ASTN2: variants seen among roughly 807,000 people sequenced by gnomAD.
ASTN2 encodes astrotactin 2, also known as astrotactin-2.
ASTN2 carries 54 observed loss-of-function variants against 139.8 expected under a neutral mutation model. The ratio of observed to expected loss-of-function variants is 0.39; its 90% CI spans 0.31 to 0.48. The LOEUF (loss-of-function observed/expected upper bound fraction) is 0.48, where lower values mean the gene tolerates loss of function less well. ASTN2 is among the 20% of genes least tolerant of loss of function. The probability of loss-of-function intolerance (pLI) is 0.95; values close to 1 mark genes in which losing one functional copy is unlikely to be tolerated. For missense variants in ASTN2, 1,565 were observed against 1,725.1 expected (o/e 0.91, Z 1.64); for synonymous variants, 756 against 719.5 (o/e 1.05, Z -0.81).
At chr9:116,766,873 A>C (rs902935078) in intron 13 of ASTN2, among the ~76,000 whole-genome samples, 4 of 148,742 alleles carry the variant, frequency 2.7e-5, no homozygotes, top group African/African-American at 7.8e-5. Flanking sequence ...ACACATAAAC[A>C]CACACATTCA....
At chr9:116,484,014 G>A (rs1044607075) in intron 20 of ASTN2, among the ~76,000 whole-genome samples, 4 of 152,140 alleles carry the variant, frequency 2.6e-5, no homozygotes, top group Admixed American at 2.6e-4. Flanking sequence ...TCCCTTCTGA[G>A]ACCTCTCTCC....
intron 5 of ASTN2, among the ~76,000 whole-genome samples, chr9:117,089,566 G>T (rs369825965): frequency 3.3e-5 from 5 of 151,596 alleles, no homozygotes; most frequent in South Asian, 4.2e-4. Flanking sequence ...GGGTACAGGT[G>T]GTATTTGGTT....
In ASTN2 at chr9:116,733,452, T is replaced by C; in HGVS notation, c.2468A>G (p.Glu823Gly). ...CTCGGAGAGGACCCCCCGGCACTGC[T>C]CCTCCACCGGCAGCGGGATCACCAA... Reference protein sequence around the residue: ...GLLVIPLPVEEQCRGVLSEPL... With the variant: ...GLLVIPLPVEGQCRGVLSEPL... Residue 823 changes from glutamate (E) to glycine (G), a missense_variant, in exon 14 of 23, where the codon GAG (glutamate) becomes GGG (glycine). Physicochemically the swap from Glu to Gly is moderately conservative, Grantham distance 98. This residue lies in a region of ASTN2 where 503 missense variants were observed against 591.7 expected (regional missense o/e 0.85). Coordinates refer to ENST00000313400, the MANE Select transcript of ASTN2 (RefSeq NM_001365068.1). 6.2e-7 allele frequency: 1 copy of C among 1,614,072 alleles called. No homozygotes were observed. The highest frequency in any genetic ancestry group is 8.5e-7 in the Non-Finnish European group (1 of 1,180,008).
At chr9:116,520,368 T>C (rs1005393372) in intron 19 of ASTN2, among the ~76,000 whole-genome samples, 4 of 152,152 alleles carry the variant, frequency 2.6e-5, no homozygotes, top group Non-Finnish European at 4.4e-5. Flanking sequence ...ATAAATGTGA[T>C]AGACCACATA....
chr9:117,270,331 T>C (rs749719948), intron 2 of ASTN2, among the ~76,000 whole-genome samples: 6 of 152,230 alleles, frequency 3.9e-5, no homozygotes, highest in East Asian at 1.9e-4. Flanking sequence ...TGTTGGGTAA[T>C]AGCTGCTCAT....
chr9:116,678,887 A>C (rs559754534), intron 16 of ASTN2, among the ~76,000 whole-genome samples: 22 of 152,316 alleles, frequency 1.4e-4, no homozygotes, highest in Middle Eastern at 6.8e-3. Context: ...ATAAAATTTT[A>C]TTTTAAAAAG....
intron 2 of ASTN2, among the ~76,000 whole-genome samples, chr9:117,280,996 C>T (rs143725172): frequency 5.3e-5 from 8 of 152,288 alleles, no homozygotes; most frequent in African/African-American, 1.9e-4. Flanking sequence ...TGGAATTCTA[C>T]TGTAAGAAAG....
intron 13 of ASTN2, among the ~76,000 whole-genome samples, chr9:116,775,986 G>T (rs569981877): frequency 6.6e-6 from 1 of 152,136 alleles, no homozygotes; most frequent in Non-Finnish European, 1.5e-5. Context: ...GCATCTCTAC[G>T]TATGATTGTG....
chr9:116,870,824 A>G (rs999959546), intron 10 of ASTN2, among the ~76,000 whole-genome samples: 1 of 152,174 alleles, frequency 6.6e-6, no homozygotes, highest in Non-Finnish European at 1.5e-5. Flanking sequence ...TGTCACTCAT[A>G]GAGAGATGTG....
chr9:117,388,718 G>A (rs1411084346), intron 1 of ASTN2, among the ~76,000 whole-genome samples: 1 of 152,104 alleles, frequency 6.6e-6, no homozygotes, highest in East Asian at 1.9e-4. Context: ...GTGACGGCCT[G>A]GGCTGGTGAC....
Position 116,830,244 on chromosome 9 carries a change from C to T in ASTN2, c.2041-9461G>A, listed in dbSNP as rs182124250. ...ACATATGAAAAAATGTTCAACATTA[C>T]TATTCAGCAGAGAGATGCAAATCAA... On this transcript the variant is annotated intron_variant, in intron 11 of 22. Coordinates refer to ENST00000313400, the MANE Select transcript of ASTN2 (RefSeq NM_001365068.1). 1.8e-4 allele frequency among the ~76,000 whole-genome samples: 27 copies of T among 152,280 alleles called. 1 individual carries two copies. Among genetic ancestry groups the T allele is most frequent in the Admixed American group, 1.6e-3 (25 of 15,296 alleles).
chr9:117,145,243 G>A (rs963317430), intron 3 of ASTN2, among the ~76,000 whole-genome samples: 11 of 152,154 alleles, frequency 7.2e-5, no homozygotes, highest in Non-Finnish European at 1.6e-4. Context: ...CTCAATACCC[G>A]CATTCCTTGG....
At chr9:116,823,884 G>A (rs549731954) in intron 11 of ASTN2, among the ~76,000 whole-genome samples, 13 of 152,086 alleles carry the variant, frequency 8.5e-5, no homozygotes, top group Non-Finnish European at 1.6e-4. Context: ...GGATGAGTAG[G>A]GGCAGATGAG....
intron 19 of ASTN2, among the ~76,000 whole-genome samples, chr9:116,527,781 G>C (rs1016293740): frequency 6.6e-6 from 1 of 152,066 alleles, no homozygotes; most frequent in Non-Finnish European, 1.5e-5. Context: ...TCTCATGATA[G>C]TGAATTCTCA....
intron 2 of ASTN2, among the ~76,000 whole-genome samples, chr9:117,287,987 T>C (rs1042759232): frequency 1.3e-5 from 2 of 152,176 alleles, no homozygotes; most frequent in African/African-American, 4.8e-5. Flanking sequence ...CATGAAGGGA[T>C]GTGCCTAACG....
At chr9:116,792,124 A>G (rs1830576105) in intron 13 of ASTN2, among the ~76,000 whole-genome samples, 1 of 152,156 alleles carries the variant, frequency 6.6e-6, no homozygotes, top group Non-Finnish European at 1.5e-5. Context: ...GGGAAAGATT[A>G]CAGAGGGCTT....
At chr9:117,113,204 C>T (rs561226248) in intron 4 of ASTN2, among the ~76,000 whole-genome samples, 30 of 152,282 alleles carry the variant, frequency 2.0e-4, no homozygotes, top group African/African-American at 6.7e-4. Flanking sequence ...TCTACAACAA[C>T]CAAATAACCC....
At chr9:116,626,968 A>G (rs1230986226) in intron 17 of ASTN2, among the ~76,000 whole-genome samples, 1 of 152,220 alleles carries the variant, frequency 6.6e-6, no homozygotes, top group Admixed American at 6.5e-5. Context: ...GAAGATTCCA[A>G]TTACCCATTT....
At position 117,187,655 on chromosome 9, in the gene ASTN2, C is replaced by T. The variant is rs1052903382; in HGVS notation, c.1015+26703G>A. ...CACGAGTCTCCCTGGTCATGTGATG[C>T]CCTGCGCTGCCTCAGGACTCTGCAG... On this transcript the variant is annotated intron_variant, in intron 3 of 22. Transcript: ENST00000313400. Among the ~76,000 whole-genome samples the T allele has an allele frequency of 7.9e-5, 12 of 152,260 alleles. No homozygotes were observed. The South Asian group carries it at 2.3e-3, about 29-fold the overall frequency.
Sources: gnomAD v4.1 joint callset for allele counts (sites outside exome capture counted in the v4.1 genomes callset) on GRCh38, gnomAD v4.1.1 for gene constraint, gnomAD v4.1.1 regional missense constraint, MANE v1.5 for transcripts, NCBI Gene and HGNC (gene_info 2026-07-23, HGNC 2026-07-21) for gene names.